PTPRE: variants seen among roughly 807,000 people sequenced by gnomAD.
The protein encoded by PTPRE is protein tyrosine phosphatase receptor type E, also known as receptor-type tyrosine-protein phosphatase epsilon.
A neutral mutation model predicts 102.0 loss-of-function variants in PTPRE; 51 were observed. The ratio of observed to expected loss-of-function variants is 0.50; its 90% CI spans 0.40 to 0.63. PTPRE has a LOEUF of 0.63. Among genes scored for constraint, PTPRE ranks in the 30% least tolerant of loss-of-function variants. The pLI, the probability that PTPRE is intolerant of heterozygous loss-of-function variation, is 0.00. For missense variants in PTPRE, 752 were observed against 915.1 expected (o/e 0.82, Z 2.30); for synonymous variants, 345 against 348.2 (o/e 0.99, Z 0.10).
At chr10:127,940,376 C>T (rs1397910681) in intron 1 of PTPRE, among the ~76,000 whole-genome samples, 1 of 152,192 alleles carries the variant, frequency 6.6e-6, no homozygotes, top group African/African-American at 2.4e-5. Context: ...AGCTCACATC[C>T]CACCATCCCT....
intron 6 of PTPRE, 133 bp downstream of exon 6, chr10:128,049,799 CGT>C (rs1848409016): frequency 3.9e-6 from 5 of 1,290,598 alleles, no homozygotes; most frequent in Middle Eastern, 2.5e-4. Flanking sequence ...CATGAATGGG[CGT>C]GTGAGGAAAC....
intron 2 of PTPRE, among the ~76,000 whole-genome samples, chr10:127,991,760 T>C (rs991928342): frequency 1.3e-5 from 2 of 152,222 alleles, no homozygotes; most frequent in African/African-American, 4.8e-5. Flanking sequence ...CTGATGACTC[T>C]GACTGGCCTC....
chr10:127,973,057 G>A (rs1342269602), intron 1 of PTPRE, among the ~76,000 whole-genome samples: 1 of 152,220 alleles, frequency 6.6e-6, no homozygotes, highest in African/African-American at 2.4e-5. Context: ...AGACAAAACA[G>A]AATGCCTGTC....
At chr10:127,994,003 C>T (rs1477126234) in intron 2 of PTPRE, among the ~76,000 whole-genome samples, 2 of 152,170 alleles carry the variant, frequency 1.3e-5, no homozygotes, top group African/African-American at 4.8e-5. Flanking sequence ...GTTGAGGGGT[C>T]ATACCCCGGC....
intron 1 of PTPRE, among the ~76,000 whole-genome samples, chr10:127,924,640 C>T (rs1404926337): frequency 6.6e-6 from 1 of 152,182 alleles, no homozygotes; most frequent in Non-Finnish European, 1.5e-5. Context: ...CCTCACTGTA[C>T]TCAAGGAATA....
chr10:128,069,391 TAAGAAGAAGAC>T, intron 12 of PTPRE: 1 of 331,296 alleles, frequency 3.0e-6, no homozygotes, highest in Non-Finnish European at 5.6e-6. Flanking sequence ...ATCACACATA[TAAGAAGAAGAC>T]ACTGTTTGGT....
At chr10:127,953,958 A>T (rs1219679929) in intron 1 of PTPRE, among the ~76,000 whole-genome samples, 3 of 152,224 alleles carry the variant, frequency 2.0e-5, no homozygotes, top group Admixed American at 1.3e-4. Flanking sequence ...AAGGAACATG[A>T]TTAGAAAATT....
intron 1 of PTPRE, among the ~76,000 whole-genome samples, chr10:127,918,286 C>T (rs1244916265): frequency 2.6e-5 from 4 of 152,082 alleles, no homozygotes; most frequent in Non-Finnish European, 5.9e-5. Context: ...CGGCCTGGTG[C>T]AGTGGCTCAC....
At chr10:127,927,405 G>A (rs1847110789) in intron 1 of PTPRE, among the ~76,000 whole-genome samples, 1 of 152,202 alleles carries the variant, frequency 6.6e-6, no homozygotes, top group Non-Finnish European at 1.5e-5. Flanking sequence ...GGCATAGTGG[G>A]TAATGGTGGA....
intron 2 of PTPRE, among the ~76,000 whole-genome samples, chr10:128,017,922 C>T (rs61873752): frequency 0.058 from 8,896 of 152,312 alleles, 384 homozygotes; most frequent in Middle Eastern, 0.12. Flanking sequence ...CACTCGGACT[C>T]CACTCGGGCA....
chr10:127,948,394 G>T (rs1848778222), intron 1 of PTPRE, among the ~76,000 whole-genome samples: 1 of 152,004 alleles, frequency 6.6e-6, no homozygotes, highest in Non-Finnish European at 1.5e-5. Flanking sequence ...CTGTGTTGGG[G>T]CTCACTCTTG....
At chr10:127,980,378 C>T (rs1851514302) in intron 1 of PTPRE, among the ~76,000 whole-genome samples, 1 of 150,114 alleles carries the variant, frequency 6.7e-6, no homozygotes, top group African/African-American at 2.5e-5. Context: ...TACCTTGTGA[C>T]CTTAACTCAT....
chr10:127,913,334 T>C (rs1359806572), intron 1 of PTPRE, among the ~76,000 whole-genome samples: 1 of 152,218 alleles, frequency 6.6e-6, no homozygotes, highest in East Asian at 1.9e-4. Flanking sequence ...ACAAACATAA[T>C]TTTTGGTTAT....
chr10:127,949,904 A>G (rs958029146), intron 1 of PTPRE, among the ~76,000 whole-genome samples: 1 of 152,254 alleles, frequency 6.6e-6, no homozygotes, highest in East Asian at 1.9e-4. Flanking sequence ...CTTATTTGCT[A>G]AAAGTGACCT....
intron 10 of PTPRE, 111 bp downstream of exon 10, chr10:128,063,291 A>G (rs1849774918): frequency 2.0e-6 from 3 of 1,494,210 alleles, no homozygotes; most frequent in Non-Finnish European, 2.7e-6. Context: ...TCCCACTATC[A>G]CTGCAGAAAA....
Position 128,069,833 on chromosome 10 carries a change from T to A in PTPRE, c.1143+6T>A. 6.2e-7 allele frequency: 1 copy of A among 1,614,174 alleles called. No homozygotes were observed. The highest frequency in any genetic ancestry group is 8.5e-7 in the Non-Finnish European group (1 of 1,180,030). ...CTCAGATGGTTCAAACGGATGTGAG[T>A]CATGCCTTCCTCTTGCCCTGATCTA... On this transcript the variant is annotated splice_donor_region_variant and intron_variant, in intron 13 of 20. Transcript: ENST00000254667.
At chr10:128,069,981 C>T (rs1026561618) in intron 13 of PTPRE, 154 bp downstream of exon 13, 15 of 1,132,816 alleles carry the variant, frequency 1.3e-5, no homozygotes, top group East Asian at 7.4e-5. Context: ...CCTGCCCACG[C>T]GTGGGACCTC....
intron 5 of PTPRE, among the ~76,000 whole-genome samples, chr10:128,048,394 G>A (rs898782609): frequency 7.4e-4 from 112 of 152,244 alleles, no homozygotes; most frequent in Middle Eastern, 6.8e-3. Flanking sequence ...CGTGTGTAAG[G>A]CAGAGGCCAC....
At chr10:128,068,535 G>A (rs1850482698) in intron 12 of PTPRE, 2 of 360,518 alleles carry the variant, frequency 5.5e-6, no homozygotes, top group Non-Finnish European at 1.0e-5. Context: ...GGTGGGAATG[G>A]AGTTCTGGGC....
Sources: gnomAD v4.1 joint callset for allele counts (sites outside exome capture counted in the v4.1 genomes callset) on GRCh38, gnomAD v4.1.1 for gene constraint, MANE v1.5 for transcripts, NCBI Gene and HGNC (gene_info 2026-07-23, HGNC 2026-07-21) for gene names.